The following GPC5 variants were observed in gnomAD, a reference collection of about 807,000 sequenced individuals.
GPC5 encodes glypican-5.
Under a neutral mutation model 53.9 loss-of-function variants are expected in GPC5, and 47 were observed. That is an observed-to-expected ratio of 0.87 (90% CI 0.69 to 1.11). The LOEUF (loss-of-function observed/expected upper bound fraction) is 1.11. Among genes scored for constraint, GPC5 ranks in the 50% most tolerant of loss-of-function variants. GPC5 has a pLI of 0.00. For missense variants in GPC5, 748 were observed against 713.1 expected, an observed-to-expected ratio of 1.05 and a Z score of -0.56; for synonymous variants, 286 against 263.3, an observed-to-expected ratio of 1.09 and a Z score of -0.84.
intron 7 of GPC5, among the ~76,000 whole-genome samples, chr13:92,595,094 G>A (rs1195925076): frequency 1.3e-5 from 2 of 152,138 alleles, no homozygotes; most frequent in East Asian, 3.9e-4. Flanking sequence ...CAAGAAGGCA[G>A]AGATCCAGAT....
intron 7 of GPC5, among the ~76,000 whole-genome samples, chr13:92,784,388 T>C (rs896350263): frequency 3.3e-5 from 5 of 152,146 alleles, no homozygotes; most frequent in African/African-American, 1.2e-4. Flanking sequence ...AAGTGATCAA[T>C]TTAGTTATGA....
intron 3 of GPC5, among the ~76,000 whole-genome samples, chr13:91,718,695 C>T (rs752983208): frequency 1.3e-5 from 2 of 152,160 alleles, no homozygotes; most frequent in Non-Finnish European, 2.9e-5. Context: ...GAATTCTACC[C>T]CCATCTGCAT....
intron 7 of GPC5, among the ~76,000 whole-genome samples, chr13:92,850,517 G>A (rs1332132204): frequency 6.6e-6 from 1 of 152,018 alleles, no homozygotes; most frequent in Non-Finnish European, 1.5e-5. Context: ...GAGAATCGCT[G>A]GAACCCAGGA....
intron 5 of GPC5, among the ~76,000 whole-genome samples, chr13:91,817,100 C>T (rs991857149): frequency 6.6e-6 from 1 of 152,128 alleles, no homozygotes; most frequent in Non-Finnish European, 1.5e-5. Flanking sequence ...TCATTTTAGG[C>T]ACTTCATAGG....
intron 4 of GPC5, among the ~76,000 whole-genome samples, chr13:91,731,403 A>G (rs984992876): frequency 6.6e-6 from 1 of 152,176 alleles, no homozygotes; most frequent in Non-Finnish European, 1.5e-5. Context: ...AATCTCAGCA[A>G]TTCCACAGGG....
chr13:91,500,533 A>G (rs1263313156), intron 2 of GPC5, among the ~76,000 whole-genome samples: 1 of 152,224 alleles, frequency 6.6e-6, no homozygotes, highest in Non-Finnish European at 1.5e-5. Context: ...GGCCATGCAT[A>G]CACTATGTAG....
intron 7 of GPC5, among the ~76,000 whole-genome samples, chr13:92,713,193 A>C (rs1888200189): frequency 6.6e-6 from 1 of 152,170 alleles, no homozygotes; most frequent in Non-Finnish European, 1.5e-5. Context: ...ACTAGTATCA[A>C]GAATATATAA....
intron 7 of GPC5, among the ~76,000 whole-genome samples, chr13:92,391,148 T>A (rs1364406186): frequency 1.3e-5 from 2 of 152,142 alleles, no homozygotes; most frequent in African/African-American, 4.8e-5. Flanking sequence ...ATCTCCTCAT[T>A]AATATAATTA....
chr13:91,518,341 A>G (rs1054886099), intron 2 of GPC5, among the ~76,000 whole-genome samples: 1 of 152,176 alleles, frequency 6.6e-6, no homozygotes, highest in African/African-American at 2.4e-5. Context: ...AGCGTGGGCA[A>G]CAGAGTAAGA....
chr13:92,083,510 T>G (rs560585292), intron 6 of GPC5, among the ~76,000 whole-genome samples: 12 of 152,260 alleles, frequency 7.9e-5, no homozygotes, highest in Admixed American at 2.0e-4. Flanking sequence ...GATGTGTGCA[T>G]CATGTATACA....
At position 91,911,001 on chromosome 13, in the gene GPC5, C is replaced by G. The variant is rs969324884; in HGVS notation, c.1401+2944C>G. ...TCAGGGGGAGATGTTTGGGTTGATT[C>G]TGAATAAGGAGAAGAAAGGAGTCAC... On this transcript the variant is annotated intron_variant, in intron 6 of 7. Coordinates refer to ENST00000377067, the MANE Select transcript of GPC5 (RefSeq NM_004466.6). Among the ~76,000 whole-genome samples, 55 of 151,954 alleles carry G rather than the reference C, an allele frequency of 3.6e-4. 1 individual carries two copies. The highest frequency in any genetic ancestry group is 1.3e-4 in the Non-Finnish European group (9 of 68,004).
intron 7 of GPC5, among the ~76,000 whole-genome samples, chr13:92,275,383 A>G (rs979111420): frequency 1.3e-5 from 2 of 152,152 alleles, no homozygotes; most frequent in African/African-American, 2.4e-5. Context: ...ACCTCTTGAA[A>G]TATAACTTTA....
chr13:91,943,582 T>C (rs2139048760), intron 6 of GPC5, among the ~76,000 whole-genome samples: 1 of 152,330 alleles, frequency 6.6e-6, no homozygotes, highest in South Asian at 2.1e-4. Flanking sequence ...CTATTTTTGA[T>C]AAGGTTGATC....
At chr13:92,186,163 A>G (rs1253263799) in intron 7 of GPC5, among the ~76,000 whole-genome samples, 1 of 152,024 alleles carries the variant, frequency 6.6e-6, no homozygotes, top group East Asian at 1.9e-4. Flanking sequence ...TCTTTTAACA[A>G]AAGCATTCTG....
intron 2 of GPC5, among the ~76,000 whole-genome samples, chr13:91,479,917 A>G (rs1327180380): frequency 6.6e-6 from 1 of 152,208 alleles, no homozygotes; most frequent in African/African-American, 2.4e-5. Flanking sequence ...AAAACTTGCT[A>G]AAATTATTTG....
chr13:91,651,262 T>C (rs16946404), intron 2 of GPC5, among the ~76,000 whole-genome samples: 9,851 of 152,090 alleles, frequency 0.065, 1,077 homozygotes, highest in African/African-American at 0.22. Context: ...GCACATGAGG[T>C]CTACTCACAT....
chr13:91,703,784 T>G (rs2036041531), intron 3 of GPC5, among the ~76,000 whole-genome samples: 1 of 152,180 alleles, frequency 6.6e-6, no homozygotes, highest in African/African-American at 2.4e-5. Flanking sequence ...GGATTTTATA[T>G]AATGGGGAAT....
At chr13:91,936,707 A>T (rs2039874559) in intron 6 of GPC5, among the ~76,000 whole-genome samples, 1 of 151,728 alleles carries the variant, frequency 6.6e-6, no homozygotes, top group African/African-American at 2.4e-5. Context: ...TCAAATAGAT[A>T]TCTCCTCTGA....
intron 7 of GPC5, among the ~76,000 whole-genome samples, chr13:92,419,219 A>T (rs1432377194): frequency 6.6e-6 from 1 of 152,236 alleles, no homozygotes; most frequent in South Asian, 2.1e-4. Context: ...AGCTCTCATG[A>T]CAATGAGACA....
Sources: allele counts gnomAD v4.1 joint callset (sites outside exome capture counted in the v4.1 genomes callset), GRCh38; gene constraint gnomAD v4.1.1; transcripts MANE v1.5; gene names NCBI Gene and HGNC (gene_info 2026-07-23, HGNC 2026-07-21).